The following STARD9 variants were observed in gnomAD, a reference collection of about 807,000 sequenced individuals.
STARD9 encodes the protein stAR-related lipid transfer protein 9.
In STARD9, 346 loss-of-function variants were observed where a neutral mutation model predicts 399.8. That is an observed-to-expected ratio of 0.87 (90% confidence interval 0.79 to 0.95). The LOEUF is 0.95. Among genes scored for constraint, STARD9 ranks in the 40% least tolerant of loss-of-function variants. The pLI is 0.00. For synonymous variants in STARD9, 2,203 were observed against 2,143.5 expected, an observed-to-expected ratio of 1.03 and a Z score of -0.77; for missense variants, 5,832 against 5,667.5, an observed-to-expected ratio of 1.03 and a Z score of -0.93.
At chr15:42,654,010 C>G (rs562985331) in intron 9 of STARD9, among the ~76,000 whole-genome samples, 3 of 152,118 alleles carry the variant, frequency 2.0e-5, no homozygotes, top group African/African-American at 7.2e-5. Context: ...TAAAGTAGAT[C>G]ATAAATAAAG....
chr15:42,638,121 GTTC>G lies in STARD9; in HGVS notation c.446+42_446+44del, dbSNP rs536478887. ...CTCCCAAGCTCTGGGACCTACAGTAGTTCTTCTTCTACTCCAAATTCTACCATG... is the reference window on the plus strand; with the variant it reads ...CTCCCAAGCTCTGGGACCTACAGTAGTTCTTCTACTCCAAATTCTACCATG... On this transcript the variant is annotated intron_variant, in intron 6 of 32. Transcript: ENST00000290607. 273 of 1,518,592 alleles carry G rather than the reference GTTC, an allele frequency of 1.8e-4. No homozygotes were observed. In the African/African-American group the frequency reaches 3.1e-3, roughly 17 times the overall value. 94.1% of individuals were successfully genotyped at this position (1,518,592 alleles called of 1,614,324 possible). A position where few individuals can be genotyped will look rare whatever the true frequency, so the allele number is the denominator to read the frequency against.
intron 26 of STARD9, among the ~76,000 whole-genome samples, chr15:42,697,480 A>G (rs2060868785): frequency 6.6e-6 from 1 of 152,144 alleles, no homozygotes; most frequent in South Asian, 2.1e-4. Flanking sequence ...TATAGATAAT[A>G]TATTCATATA....
chr15:42,681,530 G>T lies in STARD9; in HGVS notation c.1983G>T (p.Arg661Ser), dbSNP rs2060428082. The T allele has an allele frequency of 6.5e-7, 1 of 1,536,994 alleles. No individual in the cohort carries two copies. The highest frequency in any genetic ancestry group is 1.2e-5 in the South Asian group (1 of 84,054). Residue 661 changes from arginine (R) to serine (S), a missense_variant, in exon 21 of 33, where the codon AGG (arginine) becomes AGT (serine). This residue lies in a region of STARD9 where 5,828 missense variants were observed against 5,651.1 expected (regional missense o/e 1.03). Transcript: ENST00000290607. ...AGCAGAGCTACGTAGAGGATTTGAG[G>T]CATCAAATCCTAGCAGAAGAGATTC... ...QQQQSYVEDL[R>S]HQILAEEIRA...
chr15:42,600,618 C>T (rs1270633941), intron 3 of STARD9, among the ~76,000 whole-genome samples: 8 of 151,378 alleles, frequency 5.3e-5, no homozygotes, highest in Non-Finnish European at 7.4e-5. Flanking sequence ...CTCTGCCTCC[C>T]GGGTTCAAGC....
At position 42,661,284 on chromosome 15, in the gene STARD9, A is replaced by G. The variant is rs913456495; in HGVS notation, c.770+59A>G. The G allele has an allele frequency of 6.8e-6, 8 of 1,171,280 alleles. No individual in the cohort carries two copies. In the African/African-American group the frequency reaches 7.6e-5, roughly 11 times the overall value. The allele number at this position is 1,171,280 out of a possible 1,614,324, so 72.6% of individuals were successfully genotyped here. Reference sequence around the variant, plus strand: ...CTTGTTCTTGCCTGTTTTACAGGGAATAAGCTGTTCCAATCTTTTTCACAT... The same window carrying G: ...CTTGTTCTTGCCTGTTTTACAGGGAGTAAGCTGTTCCAATCTTTTTCACAT... On this transcript the variant is annotated intron_variant, in intron 10 of 32. Coordinates refer to ENST00000290607, the MANE Select transcript of STARD9 (RefSeq NM_020759.3).
intron 26 of STARD9, among the ~76,000 whole-genome samples, chr15:42,715,232 G>A (rs752656619): frequency 3.3e-5 from 5 of 152,222 alleles, no homozygotes; most frequent in Admixed American, 6.5e-5. Context: ...CACGGACACC[G>A]TGGACCTTGG....
At chr15:42,637,239 G>A (rs186104742) in intron 4 of STARD9, among the ~76,000 whole-genome samples, 1 of 152,168 alleles carries the variant, frequency 6.6e-6, no homozygotes, top group Admixed American at 6.5e-5. Context: ...TTGAGATGGG[G>A]TCTCACTCTG....
At position 42,607,713 on chromosome 15, in the gene STARD9, C is replaced by G. The variant is rs927743791; in HGVS notation, c.234+22076C>G. ...ATATATATTTGAATATAATTAAATC[C>G]TATATTGTTTTACAGGTTTTTCCTA... On this transcript the variant is annotated intron_variant, in intron 3 of 32. Coordinates refer to ENST00000290607, the MANE Select transcript of STARD9 (RefSeq NM_020759.3). 3.3e-5 allele frequency among the ~76,000 whole-genome samples: 5 copies of G among 150,200 alleles called. No homozygotes were observed. The East Asian group carries it at 7.8e-4, about 23-fold the overall frequency.
chr15:42,591,885 C>A (rs996228962), intron 3 of STARD9, among the ~76,000 whole-genome samples: 4 of 152,172 alleles, frequency 2.6e-5, no homozygotes, highest in African/African-American at 7.2e-5. Context: ...TCACTTCATT[C>A]ACGTTCTATT....
intron 18 of STARD9, 28 bp from the exon 19 acceptor site, chr15:42,675,636 T>G (rs1186533445): frequency 6.6e-7 from 1 of 1,516,082 alleles, no homozygotes; most frequent in Non-Finnish European, 8.9e-7. Context: ...AGCTGTTGAT[T>G]GAATTCTCAT....
At chr15:42,593,217 C>G (rs1359623509) in intron 3 of STARD9, among the ~76,000 whole-genome samples, 1 of 152,116 alleles carries the variant, frequency 6.6e-6, no homozygotes, top group African/African-American at 2.4e-5. Flanking sequence ...TGGTTATGAT[C>G]CCTTCTGGGA....
At position 42,617,135 on chromosome 15, in the gene STARD9, C is replaced by T. The variant is rs528021384; in HGVS notation, c.235-17721C>T. 5.3e-5 allele frequency among the ~76,000 whole-genome samples: 8 copies of T among 152,164 alleles called. No homozygotes were observed. The South Asian group carries it at 6.2e-4, about 12-fold the overall frequency. On this transcript the variant is annotated intron_variant, in intron 3 of 32. Transcript: ENST00000290607. ...ACAATTCACCTTACACAGTAAGAGC[C>T]GTGCCCAGCACAGTGTTTTGCTTTA...
chr15:42,633,927 A>G (rs1030350304), intron 3 of STARD9, among the ~76,000 whole-genome samples: 1 of 151,884 alleles, frequency 6.6e-6, no homozygotes, highest in Non-Finnish European at 1.5e-5. Flanking sequence ...TACAGGCCTG[A>G]GCCACCGCGC....
chr15:42,584,397 T>C (rs193298365), intron 2 of STARD9, among the ~76,000 whole-genome samples: 1 of 152,328 alleles, frequency 6.6e-6, no homozygotes, highest in East Asian at 1.9e-4. Context: ...TCACTTCAGC[T>C]GCTTTGTTGT....
At chr15:42,584,841 T>C (rs1360531105) in intron 2 of STARD9, among the ~76,000 whole-genome samples, 1 of 152,218 alleles carries the variant, frequency 6.6e-6, no homozygotes, top group Non-Finnish European at 1.5e-5. Flanking sequence ...CAGTATCCTC[T>C]GCAGAAATAC....
At chr15:42,668,225 T>A (rs962161602) in intron 15 of STARD9, among the ~76,000 whole-genome samples, 9 of 152,160 alleles carry the variant, frequency 5.9e-5, no homozygotes, top group Admixed American at 4.6e-4. Flanking sequence ...AACCCAGCCC[T>A]TTACAGGTAC....
At chr15:42,713,177 T>C (rs913271768) in intron 26 of STARD9, among the ~76,000 whole-genome samples, 4 of 152,266 alleles carry the variant, frequency 2.6e-5, no homozygotes, top group Admixed American at 6.5e-5. Flanking sequence ...TATTCGTAAG[T>C]ATTTTATTCC....
chr15:42,691,177 C>T lies in STARD9; in HGVS notation c.9599C>T (p.Thr3200Ile). The T allele has an allele frequency of 2.6e-6, 4 of 1,537,232 alleles. No individual in the cohort carries two copies. In the South Asian group the frequency reaches 4.8e-5, roughly 18 times the overall value. Residue 3200 changes from threonine to isoleucine, a missense_variant, in exon 23 of 33, where the codon ACC becomes ATC. Thr to Ile is a moderately conservative substitution (Grantham distance 89). Coordinates refer to ENST00000290607, the MANE Select transcript of STARD9 (RefSeq NM_020759.3). ...QAKFVARLKH[T>I]CSPQEDSPWQ... The stretch of plus-strand genomic sequence containing the variant: ...AAGTTTGTAGCAAGGTTAAAACATA[C>T]CTGCAGCCCCCAGGAAGACAGTCCC...
Position 42,674,422 on chromosome 15 carries a change from G to A in STARD9, c.1498-18G>A, listed in dbSNP as rs531310599. 2 of 1,534,610 alleles carry A rather than the reference G, an allele frequency of 1.3e-6. No homozygotes were observed. The highest frequency in any genetic ancestry group is 4.9e-5 in the East Asian group (2 of 40,904). On this transcript the variant is annotated intron_variant, in intron 16 of 32. Transcript: ENST00000290607. Reference sequence around the variant, plus strand: ...GTCCCTTTTAATTCTCATTAAAATGGCTTTTTTCCCCCTTTAGGAAGGGAC... The same window carrying A: ...GTCCCTTTTAATTCTCATTAAAATGACTTTTTTCCCCCTTTAGGAAGGGAC...
Sources: gnomAD v4.1 joint callset for allele counts (sites outside exome capture counted in the v4.1 genomes callset) on GRCh38, gnomAD v4.1.1 for gene constraint, gnomAD v4.1.1 regional missense constraint, MANE v1.5 for transcripts, NCBI Gene and HGNC (gene_info 2026-07-23, HGNC 2026-07-21) for gene names.